The following GABPA variants were observed in gnomAD, a reference collection of about 807,000 sequenced individuals.
The protein encoded by GABPA is GA-binding protein alpha chain.
Under a neutral mutation model 59.4 loss-of-function variants are expected in GABPA, and 4 were observed. That is an observed-to-expected ratio of 0.07 (90% CI 0.03 to 0.15). The LOEUF (loss-of-function observed/expected upper bound fraction) is 0.15, where lower values mean the gene tolerates loss of function less well. Ranked by LOEUF, GABPA falls within the 10% of genes least tolerant of loss-of-function variation. GABPA has a pLI of 1.00. For missense variants in GABPA, 251 were observed against 543.8 expected (o/e 0.46, Z 5.36); for synonymous variants, 164 against 183.1 (o/e 0.90, Z 0.84).
intron 3 of GABPA, among the ~76,000 whole-genome samples, chr21:25,747,880 AATCT>A (rs1320871907): frequency 3.3e-5 from 5 of 152,152 alleles, no homozygotes; most frequent in African/African-American, 9.7e-5. Context: ...TGTCATATTT[AATCT>A]ATCTGTCTAC....
At position 25,764,737 on chromosome 21, in the gene GABPA, G is replaced by A. The variant is rs149087448; in HGVS notation, c.1086G>A (p.Gln362=). ...AACTGGTTGCACAGAAATGGGGACA[G>A]CGTAAAAATAAGCCTACGATGAACT... ...QPELVAQKWG[Q]RKNKPTMNYE... Residue 362 remains glutamine, a synonymous_variant, in exon 9 of 10, where the codon CAG becomes CAA. Coordinates refer to ENST00000400075, the MANE Select transcript of GABPA (RefSeq NM_002040.4). 8.4e-5 allele frequency: 136 copies of A among 1,609,680 alleles called. No homozygotes were observed. The highest frequency in any genetic ancestry group is 1.1e-4 in the Non-Finnish European group (130 of 1,178,568).
chr21:25,740,959 C>G (rs1468473928), intron 1 of GABPA, among the ~76,000 whole-genome samples: 5 of 152,188 alleles, frequency 3.3e-5, no homozygotes, highest in Non-Finnish European at 5.9e-5. Flanking sequence ...GTTATTGAGA[C>G]TGAGTTGCTT....
chr21:25,767,767 T>C (rs1282711839), intron 9 of GABPA, among the ~76,000 whole-genome samples: 1 of 152,098 alleles, frequency 6.6e-6, no homozygotes, highest in Non-Finnish European at 1.5e-5. Context: ...GTAATTGACA[T>C]AAATGGAAAC....
At chr21:25,736,467 T>C (rs998268549) in intron 1 of GABPA, among the ~76,000 whole-genome samples, 2 of 152,160 alleles carry the variant, frequency 1.3e-5, no homozygotes, top group Non-Finnish European at 2.9e-5. Context: ...AGCCTGTCTC[T>C]CAGGGTTCCA....
intron 1 of GABPA, among the ~76,000 whole-genome samples, chr21:25,739,633 C>G (rs781301242): frequency 3.3e-5 from 5 of 152,136 alleles, no homozygotes; most frequent in Non-Finnish European, 7.4e-5. Flanking sequence ...TTATTTGTTT[C>G]AAGAGATAGG....
chr21:25,766,320 G>T (rs1191319045), intron 9 of GABPA, among the ~76,000 whole-genome samples: 2 of 151,898 alleles, frequency 1.3e-5, no homozygotes, highest in African/African-American at 4.8e-5. Context: ...AATAGAAAAG[G>T]ATCTAGAAAT....
At chr21:25,736,774 A>T (rs1421284437) in intron 1 of GABPA, among the ~76,000 whole-genome samples, 1 of 152,208 alleles carries the variant, frequency 6.6e-6, no homozygotes, top group Non-Finnish European at 1.5e-5. Flanking sequence ...GAGGGTCCCA[A>T]CTGTTAATCT....
In GABPA at chr21:25,771,469, A is replaced by G. The variant is rs551206555; in HGVS notation, c.*2237A>G. 81 of 151,782 alleles carry G rather than the reference A, an allele frequency of 5.3e-4. No homozygotes were observed. Among genetic ancestry groups the G allele is most frequent in the Non-Finnish European group, 8.7e-4 (59 of 67,770 alleles). 9.4% of individuals were successfully genotyped at this position (151,782 alleles called of 1,614,324 possible). A position where few individuals can be genotyped will look rare whatever the true frequency, so the allele number is the denominator to read the frequency against. On this transcript the variant is annotated 3_prime_UTR_variant, in exon 10 of 10. Coordinates refer to ENST00000400075, the MANE Select transcript of GABPA (RefSeq NM_002040.4). ...TTTTTTTTTCTTCTTACCATCATTT[A>G]TGCATGACATAGGTAATGTGACTAA... is the stretch of plus-strand genomic sequence containing the variant.
intron 1 of GABPA, among the ~76,000 whole-genome samples, chr21:25,740,119 T>TAC (rs772904058): frequency 2.4e-4 from 37 of 152,194 alleles, no homozygotes; most frequent in Non-Finnish European, 4.1e-4. Flanking sequence ...TCTGGAATGA[T>TAC]ACCTACTTAG....
chr21:25,760,734 TC>T (rs1488285792), intron 6 of GABPA, among the ~76,000 whole-genome samples: 1 of 152,086 alleles, frequency 6.6e-6, no homozygotes, highest in Non-Finnish European at 1.5e-5. Flanking sequence ...TGGCTCCATA[TC>T]CCCCAGGGCT....
rs892289671 is a variant in GABPA, at chr21:25,743,781, A to T, written c.78-1429A>T. ...AAAAAAGAAAAAACTGGCCTGACAC[A>T]GTGGCTCATGCTTGTAATCCCAGCA... On this transcript the variant is annotated intron_variant, in intron 2 of 9. Coordinates refer to ENST00000400075, the MANE Select transcript of GABPA (RefSeq NM_002040.4). 2.0e-5 allele frequency among the ~76,000 whole-genome samples: 3 copies of T among 152,114 alleles called. No individual in the cohort carries two copies. In the South Asian group the frequency reaches 6.2e-4, roughly 32 times the overall value.
At chr21:25,756,263 G>C (rs1451864324) in intron 5 of GABPA, among the ~76,000 whole-genome samples, 1 of 152,064 alleles carries the variant, frequency 6.6e-6, no homozygotes, top group African/African-American at 2.4e-5. Context: ...TTTCAGGATA[G>C]CTTTTCTATT....
At chr21:25,756,323 A>G (rs1326456779) in intron 5 of GABPA, among the ~76,000 whole-genome samples, 2 of 152,106 alleles carry the variant, frequency 1.3e-5, no homozygotes, top group Non-Finnish European at 2.9e-5. Flanking sequence ...CAGATAAGGC[A>G]ACTTTCTTTT....
intron 5 of GABPA, among the ~76,000 whole-genome samples, chr21:25,755,791 C>G (rs2035622784): frequency 2.0e-5 from 3 of 152,134 alleles, no homozygotes; most frequent in Admixed American, 2.0e-4. Context: ...TCTAACCACA[C>G]CATCTACTTT....
chr21:25,763,149 G>T (rs1201087709), intron 7 of GABPA: 1 of 500,104 alleles, frequency 2.0e-6, no homozygotes, highest in Non-Finnish European at 3.9e-6. Flanking sequence ...ACCTCATGTT[G>T]CATTTTCTCT....
In GABPA at chr21:25,735,168, C is replaced by G; in HGVS notation, c.-437C>G. 4.9e-6 allele frequency: 3 copies of G among 617,384 alleles called. No homozygotes were observed. The Admixed American group carries it at 7.9e-5, about 16-fold the overall frequency. The allele number at this position is 617,384 out of a possible 1,614,324, so 38.2% of individuals were successfully genotyped here. On this transcript the variant is annotated 5_prime_UTR_variant, in exon 1 of 10. Coordinates refer to ENST00000400075, the MANE Select transcript of GABPA (RefSeq NM_002040.4). The stretch of plus-strand genomic sequence containing the variant: ...CCTCCTTGAAACCTTGCTCTGTACG[C>G]ATGCGCTCTTTGAGTGGCCTTTCCC...
intron 2 of GABPA, among the ~76,000 whole-genome samples, 189 bp downstream of exon 2, chr21:25,741,864 A>G (rs537338992): frequency 6.6e-6 from 1 of 152,252 alleles, no homozygotes; most frequent in South Asian, 2.1e-4. Context: ...TTTTAAACTA[A>G]TGGTAGTAAA....
chr21:25,750,585 TG>T (rs1459836428), intron 4 of GABPA, among the ~76,000 whole-genome samples: 2 of 152,234 alleles, frequency 1.3e-5, no homozygotes, highest in Non-Finnish European at 2.9e-5. Flanking sequence ...AAACTGTTTT[TG>T]GTAGGTTGAA....
chr21:25,744,202 A>G (rs1225196462), intron 2 of GABPA, among the ~76,000 whole-genome samples: 1 of 151,966 alleles, frequency 6.6e-6, no homozygotes, highest in Non-Finnish European at 1.5e-5. Context: ...TAAATTTTAA[A>G]TGTTTTAAGT....
Sources: allele counts gnomAD v4.1 joint callset (sites outside exome capture counted in the v4.1 genomes callset), GRCh38; gene constraint gnomAD v4.1.1; transcripts MANE v1.5; gene names NCBI Gene and HGNC (gene_info 2026-07-23, HGNC 2026-07-21).